CPEB1: variants seen among roughly 807,000 people sequenced by gnomAD.
CPEB1 encodes the protein cytoplasmic polyadenylation element-binding protein 1.
A neutral mutation model predicts 65.8 loss-of-function variants in CPEB1; 7 were observed. That is an observed-to-expected ratio of 0.11 (90% CI 0.06 to 0.20). The LOEUF is 0.20. Ranked by LOEUF, CPEB1 falls within the 10% of genes least tolerant of loss-of-function variation. CPEB1 has a pLI of 1.00. For synonymous variants in CPEB1, 262 were observed against 260.0 expected (o/e 1.01, Z -0.08); for missense variants, 551 against 712.2 (o/e 0.77, Z 2.58).
At chr15:82,642,700 A>G (rs2047207184) in intron 1 of CPEB1, among the ~76,000 whole-genome samples, 1 of 152,222 alleles carries the variant, frequency 6.6e-6, no homozygotes, top group Admixed American at 6.5e-5. Flanking sequence ...CCTACCCTTT[A>G]GCCTCAGGGG....
intron 3 of CPEB1, chr15:82,573,069 C>G (rs1157186158): frequency 1.3e-6 from 2 of 1,535,524 alleles, no homozygotes; most frequent in South Asian, 1.2e-5. Context: ...CAAGGAGAAG[C>G]AAGCAGATAC....
intron 3 of CPEB1, among the ~76,000 whole-genome samples, chr15:82,585,216 T>C (rs147663555): frequency 4.5e-4 from 69 of 152,264 alleles, no homozygotes; most frequent in African/African-American, 1.5e-3. Context: ...GATCTCTGCA[T>C]AGTTCCCTCT....
intron 1 of CPEB1, among the ~76,000 whole-genome samples, chr15:82,644,872 T>C (rs771334385): frequency 9.2e-5 from 14 of 152,244 alleles, no homozygotes; most frequent in Non-Finnish European, 1.5e-4. Context: ...TAGTTAAGTT[T>C]GGTGCTGAGC....
intron 3 of CPEB1, among the ~76,000 whole-genome samples, chr15:82,582,110 G>A (rs1348692265): frequency 2.0e-5 from 3 of 152,202 alleles, no homozygotes; most frequent in Non-Finnish European, 4.4e-5. Context: ...ACTGGGAAAT[G>A]AGCAGAGGAA....
chr15:82,627,493 A>T, intron 2 of CPEB1, 126 bp from the exon 3 acceptor site: 9 of 659,212 alleles, frequency 1.4e-5, no homozygotes, highest in South Asian at 2.6e-5. Flanking sequence ...AAAACACTTA[A>T]TGAGTGTTTA....
intron 8 of CPEB1, among the ~76,000 whole-genome samples, chr15:82,552,831 G>A (rs927190762): frequency 6.6e-6 from 1 of 152,242 alleles, no homozygotes; most frequent in African/African-American, 2.4e-5. Flanking sequence ...GGAAAGGACT[G>A]GCAAGCTGAG....
chr15:82,643,815 T>G lies in CPEB1; in HGVS notation c.-98+3322A>C, dbSNP rs587672639. 3.9e-5 allele frequency among the ~76,000 whole-genome samples: 6 copies of G among 152,292 alleles called. No homozygotes were observed. The East Asian group carries it at 1.2e-3, about 29-fold the overall frequency. On this transcript the variant is annotated intron_variant, in intron 1 of 12. Coordinates refer to ENST00000684509, the MANE Select transcript of CPEB1 (RefSeq NM_001365242.1). The stretch of plus-strand genomic sequence containing the variant: ...TATCTCAGATTTTACCACAGACTGC[T>G]TTAAAAAAATTTTTTTTAACCTTTA...
chr15:82,575,499 C>T (rs1343666806), intron 3 of CPEB1, among the ~76,000 whole-genome samples: 1 of 152,144 alleles, frequency 6.6e-6, no homozygotes, highest in African/African-American at 2.4e-5. Flanking sequence ...AACTTCTGCT[C>T]ATCAAGATAC....
At chr15:82,551,238 T>C (rs2036187152) in intron 9 of CPEB1, among the ~76,000 whole-genome samples, 1 of 152,196 alleles carries the variant, frequency 6.6e-6, no homozygotes, top group Non-Finnish European at 1.5e-5. Flanking sequence ...CCCAATAAAA[T>C]AGGCATTTCT....
chr15:82,589,565 G>A (rs2042057160), intron 3 of CPEB1, among the ~76,000 whole-genome samples: 2 of 152,106 alleles, frequency 1.3e-5, no homozygotes, highest in Non-Finnish European at 2.9e-5. Context: ...CCAACATGGT[G>A]AAACCCTGTC....
rs143062087 is a variant in CPEB1, at chr15:82,571,564, A to G, written c.272-32T>C. Reference sequence around the variant, plus strand: ...TGGAAAGGAGCACAGCAGAAACCTCAGAGTTAAGGGCTGTTTTCCCCAATA... The same window carrying G: ...TGGAAAGGAGCACAGCAGAAACCTCGGAGTTAAGGGCTGTTTTCCCCAATA... On this transcript the variant is annotated intron_variant, in intron 3 of 12. Coordinates refer to ENST00000684509, the MANE Select transcript of CPEB1 (RefSeq NM_001365242.1). The G allele has an allele frequency of 6.9e-5, 111 of 1,597,688 alleles. No individual in the cohort carries two copies. The African/African-American group carries it at 1.3e-3, about 19-fold the overall frequency.
chr15:82,607,000 G>C (rs2043675292), intron 3 of CPEB1, among the ~76,000 whole-genome samples: 1 of 151,516 alleles, frequency 6.6e-6, no homozygotes, highest in Non-Finnish European at 1.5e-5. Context: ...ATATAAGAAT[G>C]ACAAGGAAAT....
intron 3 of CPEB1, among the ~76,000 whole-genome samples, chr15:82,572,499 C>A (rs1040176281): frequency 8.5e-5 from 13 of 152,246 alleles, no homozygotes; most frequent in African/African-American, 3.1e-4. Flanking sequence ...AATCCCTGTG[C>A]CCAGGTTCCC....
Position 82,579,011 on chromosome 15 carries a change from C to T in CPEB1, c.272-7479G>A, listed in dbSNP as rs141285215. On this transcript the variant is annotated intron_variant, in intron 3 of 12. Transcript: ENST00000684509. ...GCTAATTTTTGAACTTTAGTAGAGA[C>T]AGGGTTTCACCATGTTGGCCAGGCT... 7.4e-3 allele frequency among the ~76,000 whole-genome samples: 1,131 copies of T among 152,100 alleles called. 12 individuals carry two copies. Among genetic ancestry groups the T allele is most frequent in the Non-Finnish European group, 8.5e-3 (575 of 67,974 alleles).
chr15:82,601,811 AAAG>A (rs2043145755), intron 3 of CPEB1, among the ~76,000 whole-genome samples: 3 of 152,368 alleles, frequency 2.0e-5, no homozygotes, highest in East Asian at 3.9e-4. Context: ...ATCAATCTAC[AAAG>A]AAGATATAAT....
intron 3 of CPEB1, chr15:82,571,840 A>G (rs914154016): frequency 8.7e-7 from 1 of 1,143,994 alleles, no homozygotes; most frequent in African/African-American, 1.6e-5. Context: ...TGCAATAGAG[A>G]GCGGCATCAT....
chr15:82,612,781 CCA>C lies in CPEB1; in HGVS notation c.271+14410_271+14411del, dbSNP rs2044296201. Among the ~76,000 whole-genome samples the C allele has an allele frequency of 2.6e-5, 4 of 152,100 alleles. No individual in the cohort carries two copies. In the South Asian group the frequency reaches 8.3e-4, roughly 32 times the overall value. On this transcript the variant is annotated intron_variant, in intron 3 of 12. Coordinates refer to ENST00000684509, the MANE Select transcript of CPEB1 (RefSeq NM_001365242.1). ...CCTGGGGGGCGGAGGTTGCAGTAAG[CCA>C]AGACTGCACCACTGCACTCCAGCCT...
At chr15:82,549,769 C>T (rs1319644730) in intron 9 of CPEB1, 111 bp from the exon 10 acceptor site, 4 of 1,055,540 alleles carry the variant, frequency 3.8e-6, no homozygotes, top group Middle Eastern at 4.2e-4. Flanking sequence ...AACGCCCTTA[C>T]AGGGGTGAAA....
intron 3 of CPEB1, among the ~76,000 whole-genome samples, chr15:82,603,621 C>T (rs1175597406): frequency 6.6e-6 from 1 of 152,194 alleles, no homozygotes; most frequent in Non-Finnish European, 1.5e-5. Flanking sequence ...TACAAGAATA[C>T]TGCAGAGTTG....
Sources: gnomAD v4.1 joint callset for allele counts (sites outside exome capture counted in the v4.1 genomes callset) on GRCh38, gnomAD v4.1.1 for gene constraint, MANE v1.5 for transcripts, NCBI Gene and HGNC (gene_info 2026-07-23, HGNC 2026-07-21) for gene names.